The following CENPE variants were observed in gnomAD, a reference collection of about 807,000 sequenced individuals.
The protein encoded by CENPE is centromere-associated protein E.
In CENPE, 145 loss-of-function variants were observed where a neutral mutation model predicts 336.1. The ratio of observed to expected loss-of-function variants is 0.43; its 90% CI spans 0.38 to 0.50. CENPE has a LOEUF of 0.50. Ranked by LOEUF, CENPE falls within the 20% of genes least tolerant of loss-of-function variation. The probability of loss-of-function intolerance (pLI) is 0.00; values close to 1 mark genes in which losing one functional copy is unlikely to be tolerated. For synonymous variants in CENPE, 1,013 were observed against 984.8 expected, an observed-to-expected ratio of 1.03 and a Z score of -0.54; for missense variants, 2,719 against 3,023.3, an observed-to-expected ratio of 0.90 and a Z score of 2.36.
chr4:103,195,581 A>G (rs1408076484), intron 4 of CENPE, among the ~76,000 whole-genome samples: 4 of 152,018 alleles, frequency 2.6e-5, no homozygotes, highest in Admixed American at 2.6e-4. Context: ...TTTTACCTAC[A>G]TCCACTTTCT....
rs1012993872 is a variant in CENPE at position 103,194,385 on chromosome 4, T to C, written c.616A>G (p.Ile206Val). ...ATAGAATTACCTACCATCCTAAAGA[T>C]GGTATGAGAACGACTGCTTCTTTGA... Reference protein sequence around the residue: ...MNQRSSRSHTIFRMILESREK... With the variant: ...MNQRSSRSHTVFRMILESREK... Residue 206 changes from isoleucine (I) to valine (V), a missense_variant, in exon 7 of 49, where the codon ATC (isoleucine) becomes GTC (valine). Physicochemically the swap from Ile to Val is conservative, Grantham distance 29 (BLOSUM62 3). Around this residue, in one of 5 missense-constraint regions of CENPE, gnomAD observed 11 missense variants for 54.0 expected, o/e 0.20. Transcript: ENST00000265148. 6.8e-6 allele frequency: 11 copies of C among 1,610,956 alleles called. No homozygotes were observed. Among genetic ancestry groups the C allele is most frequent in the Non-Finnish European group, 9.3e-6 (11 of 1,177,892 alleles).
intron 40 of CENPE, 141 bp downstream of exon 40, chr4:103,136,000 T>A (rs916992925): frequency 1.5e-6 from 1 of 684,592 alleles, no homozygotes; most frequent in African/African-American, 1.8e-5. Context: ...TCCTACATAT[T>A]ACTATGCTCA....
At position 103,109,080 on chromosome 4, in the gene CENPE, C is replaced by A. The variant is rs1265981501; in HGVS notation, c.7734G>T (p.Gln2578His). 1.9e-6 allele frequency: 3 copies of A among 1,606,044 alleles called. No homozygotes were observed. The highest frequency in any genetic ancestry group is 2.5e-6 in the Non-Finnish European group (3 of 1,176,536). The change falls in exon 48 of 49, where the codon CAG becomes CAT. Residue 2578 changes from glutamine to histidine, a missense_variant. Physicochemically the swap from Gln to His is conservative, Grantham distance 24 (BLOSUM62 0). Coordinates refer to ENST00000265148, the MANE Select transcript of CENPE (RefSeq NM_001813.3). ...KQKNELLSNN[Q>H]HLSNEVKTWK... is the part of the protein sequence containing the mutation. ...AAGTTTTGACCTCATTGGAAAGATG[C>A]TGATTATTGCTTAAATGTGGGGGAA...
intron 18 of CENPE, among the ~76,000 whole-genome samples, chr4:103,162,480 TATCCCAG>T: frequency 6.6e-6 from 1 of 152,054 alleles, no homozygotes; most frequent in African/African-American, 2.4e-5. Flanking sequence ...TGTGAAAAAA[TATCCCAG>T]TTTAATATTT....
rs1268019902 is a variant in CENPE, at chr4:103,188,936, C to A, written c.694-3075G>T. Among the ~76,000 whole-genome samples the A allele has an allele frequency of 1.4e-4, 22 of 152,090 alleles. 1 individual carries two copies. The South Asian group carries it at 4.6e-3, about 32-fold the overall frequency. ...AGAAAAGAGAGAAGAATCAAATAGA[C>A]CCAATAAAAAATGATAAAGGGGATA... On this transcript the variant is annotated intron_variant, in intron 8 of 48. Transcript: ENST00000265148.
At chr4:103,137,584 T>G (rs1190629908) in intron 39 of CENPE, among the ~76,000 whole-genome samples, 1 of 152,186 alleles carries the variant, frequency 6.6e-6, no homozygotes, top group African/African-American at 2.4e-5. Flanking sequence ...CACTGACTTA[T>G]GTCAGGAATG....
chr4:103,145,154 TTTC>T lies in CENPE; in HGVS notation c.4750_4752del (p.Glu1584del), dbSNP rs779649737. ...TCTTTTTCCTTAATCATAATTTGTA[TTTC>T]TTCTTGACTTTCTTGAAGTCTGTTG... On this transcript the variant is annotated inframe_deletion, in exon 32 of 49. Coordinates refer to ENST00000265148, the MANE Select transcript of CENPE (RefSeq NM_001813.3). The T allele has an allele frequency of 1.1e-5, 17 of 1,612,938 alleles. No homozygotes were observed. The highest frequency in any genetic ancestry group is 6.7e-5 in the Admixed American group (4 of 59,948).
chr4:103,115,639 C>A (rs566470993), intron 45 of CENPE, among the ~76,000 whole-genome samples: 142 of 152,102 alleles, frequency 9.3e-4, no homozygotes, highest in Non-Finnish European at 1.2e-4. Context: ...CTAACAAATC[C>A]TCTAAATAAA....
Position 103,110,957 on chromosome 4 carries a change from C to T in CENPE, c.7595G>A (p.Gly2532Asp). Reference protein sequence around the residue: ...QPSNKPLTCGGGSGIVQNTKA... With the variant: ...QPSNKPLTCGDGSGIVQNTKA... ...TGTGTTTTGTACAATGCCGCTGCCA[C>T]CTCCACAAGTTAAGGGTTTATTTGA... Residue 2532 changes from glycine to aspartate, a missense_variant, in exon 47 of 49, where the codon GGT becomes GAT. Transcript: ENST00000265148. 1.2e-6 allele frequency: 2 copies of T among 1,612,088 alleles called. No individual in the cohort carries two copies. Among genetic ancestry groups the T allele is most frequent in the Non-Finnish European group, 1.7e-6 (2 of 1,178,952 alleles).
At chr4:103,156,186 T>A (rs545178879) in intron 24 of CENPE, among the ~76,000 whole-genome samples, 1 of 152,298 alleles carries the variant, frequency 6.6e-6, no homozygotes, top group African/African-American at 2.4e-5. Context: ...TTTAATGTAA[T>A]CCCTATCAAA....
At chr4:103,188,827 C>A (rs1028772039) in intron 8 of CENPE, among the ~76,000 whole-genome samples, 3 of 152,046 alleles carry the variant, frequency 2.0e-5, no homozygotes, top group African/African-American at 4.8e-5. Context: ...ACACAAAAAA[C>A]CCTTCAAAAA....
intron 47 of CENPE, among the ~76,000 whole-genome samples, chr4:103,109,477 C>CAG (rs2125828875): frequency 6.6e-6 from 1 of 152,228 alleles, no homozygotes; most frequent in East Asian, 1.9e-4. Context: ...ACCTTTCTTA[C>CAG]TGTAAAATAA....
At chr4:103,187,285 G>A (rs1756864103) in intron 8 of CENPE, among the ~76,000 whole-genome samples, 1 of 152,058 alleles carries the variant, frequency 6.6e-6, no homozygotes, top group Admixed American at 6.6e-5. Flanking sequence ...TCAAATTCAG[G>A]AAATACAGAG....
chr4:103,190,286 A>G (rs545891671), intron 8 of CENPE, among the ~76,000 whole-genome samples: 1 of 152,328 alleles, frequency 6.6e-6, no homozygotes, highest in Admixed American at 6.5e-5. Flanking sequence ...GAACTGGAAA[A>G]AACTACTTTA....
intron 9 of CENPE, among the ~76,000 whole-genome samples, chr4:103,184,815 T>C (rs1032741217): frequency 1.3e-5 from 2 of 152,318 alleles, no homozygotes; most frequent in African/African-American, 4.8e-5. Flanking sequence ...TGTCTGTTTT[T>C]ATGTTTCCAT....
rs3217729 is a variant in CENPE, at chr4:103,196,255, AAACAACAACAAC to A, written c.149-15_149-4del. 12 of 1,578,582 alleles carry A rather than the reference AAACAACAACAAC, an allele frequency of 7.6e-6. No individual in the cohort carries two copies. The highest frequency in any genetic ancestry group is 4.5e-5 in the East Asian group (2 of 44,720). ...TTCATTACCATGAAAGACACGATCT[AAACAACAACAAC>A]AACAACAACAACACAGAAGTTAAAT... is the stretch of plus-strand genomic sequence containing the variant. On this transcript the variant is annotated splice_region_variant and splice_polypyrimidine_tract_variant and intron_variant, in intron 2 of 48. Coordinates refer to ENST00000265148, the MANE Select transcript of CENPE (RefSeq NM_001813.3).
Position 103,153,039 on chromosome 4 carries a change from A to G in CENPE, c.3237+8T>C, listed in dbSNP as rs1753685657. The G allele has an allele frequency of 6.2e-7, 1 of 1,600,806 alleles. No individual in the cohort carries two copies. The highest frequency in any genetic ancestry group is 1.3e-5 in the African/African-American group (1 of 74,424). ...AGGTAATGCCAAGTATACAGTGCTAAATCCTACCATTTCAATATTTTCCTT... is the reference window on the plus strand; with the variant it reads ...AGGTAATGCCAAGTATACAGTGCTAGATCCTACCATTTCAATATTTTCCTT... On this transcript the variant is annotated splice_region_variant and intron_variant, in intron 25 of 48. Coordinates refer to ENST00000265148, the MANE Select transcript of CENPE (RefSeq NM_001813.3).
In CENPE at chr4:103,114,508, A is replaced by G. The variant is rs769327883; in HGVS notation, c.7487T>C (p.Ile2496Thr). ...KATVEYQKEV[I>T]RLLRENLRRS... Reference sequence around the variant, plus strand: ...TCTGAGATTTTCTCTCAATAGCCTTATAACTTCCTTTTGATATTCTACAGT... The same window carrying G: ...TCTGAGATTTTCTCTCAATAGCCTTGTAACTTCCTTTTGATATTCTACAGT... Residue 2496 changes from isoleucine to threonine, a missense_variant, in exon 46 of 49, where the codon ATA (isoleucine) becomes ACA (threonine). Ile to Thr is a moderately conservative substitution (Grantham distance 89). Transcript: ENST00000265148. 2 of 1,611,844 alleles carry G rather than the reference A, an allele frequency of 1.2e-6. 1 individual carries two copies. Among genetic ancestry groups the G allele is most frequent in the South Asian group, 2.2e-5 (2 of 91,060 alleles).
At chr4:103,182,953 G>A (rs917446560) in intron 10 of CENPE, 62 bp from the exon 11 acceptor site, 2 of 1,503,910 alleles carry the variant, frequency 1.3e-6, no homozygotes, top group Non-Finnish European at 1.8e-6. Context: ...TAAAGTAGTT[G>A]GTTTTTAATG....
Sources: gnomAD v4.1 joint callset for allele counts (sites outside exome capture counted in the v4.1 genomes callset) on GRCh38, gnomAD v4.1.1 for gene constraint, gnomAD v4.1.1 regional missense constraint, MANE v1.5 for transcripts, NCBI Gene and HGNC (gene_info 2026-07-23, HGNC 2026-07-21) for gene names.